The following LHFPL2 variants were observed in gnomAD, a reference collection of about 807,000 sequenced individuals.
The protein encoded by LHFPL2 is LHFPL tetraspan subfamily member 2 protein.
A neutral mutation model predicts 17.5 loss-of-function variants in LHFPL2; 7 were observed. That is an observed-to-expected ratio of 0.40 (90% CI 0.23 to 0.75). LHFPL2 has a LOEUF of 0.75. LHFPL2 is among the 30% of genes least tolerant of loss of function. The probability of loss-of-function intolerance (pLI) is 0.37; values close to 1 mark genes in which losing one functional copy is unlikely to be tolerated. For missense variants in LHFPL2, 241 were observed against 294.8 expected, an observed-to-expected ratio of 0.82 and a Z score of 1.34; for synonymous variants, 134 against 116.2, an observed-to-expected ratio of 1.15 and a Z score of -0.99.
chr5:78,633,125 A>G (rs950427131), intron 1 of LHFPL2, among the ~76,000 whole-genome samples: 13 of 152,208 alleles, frequency 8.5e-5, no homozygotes. Context: ...GCTTTCAGCA[A>G]CACCAGAGAG....
At chr5:78,643,226 T>A (rs184272582) in intron 1 of LHFPL2, among the ~76,000 whole-genome samples, 1 of 152,230 alleles carries the variant, frequency 6.6e-6, no homozygotes, top group Non-Finnish European at 1.5e-5. Flanking sequence ...ACTCCAAACT[T>A]ATGTGTTATC....
intron 3 of LHFPL2, among the ~76,000 whole-genome samples, chr5:78,542,523 A>G (rs1463586107): frequency 6.6e-6 from 1 of 152,136 alleles, no homozygotes; most frequent in African/African-American, 2.4e-5. Flanking sequence ...TGATCTGGGC[A>G]GTTCCAGCCA....
At chr5:78,630,714 C>T (rs1232120637) in intron 2 of LHFPL2, among the ~76,000 whole-genome samples, 1 of 152,186 alleles carries the variant, frequency 6.6e-6, no homozygotes, top group Non-Finnish European at 1.5e-5. Context: ...GGAAAGCACA[C>T]ACAGAAACCA....
chr5:78,591,071 C>A (rs1028357185), intron 2 of LHFPL2, among the ~76,000 whole-genome samples: 1 of 152,152 alleles, frequency 6.6e-6, no homozygotes, highest in South Asian at 2.1e-4. Flanking sequence ...AATGAATGCA[C>A]TAATTTGTGG....
intron 3 of LHFPL2, among the ~76,000 whole-genome samples, chr5:78,521,935 C>G (rs949929572): frequency 1.3e-5 from 2 of 152,172 alleles, no homozygotes; most frequent in Non-Finnish European, 2.9e-5. Context: ...ATGCTGTGTG[C>G]AGATACGACC....
At chr5:78,616,118 G>A (rs372178772) in intron 2 of LHFPL2, among the ~76,000 whole-genome samples, 2 of 70,200 alleles carry the variant, frequency 2.8e-5, no homozygotes, top group East Asian at 4.4e-4. Flanking sequence ...GGTTTTTGTT[G>A]TTGTTGTTGT....
At chr5:78,509,322 G>C (rs1755029460) in intron 4 of LHFPL2, among the ~76,000 whole-genome samples, 1 of 152,194 alleles carries the variant, frequency 6.6e-6, no homozygotes, top group African/African-American at 2.4e-5. Flanking sequence ...CTGGAGCTGA[G>C]AGTGGATGCG....
At chr5:78,492,115 G>C (rs546475556) in intron 4 of LHFPL2, among the ~76,000 whole-genome samples, 1 of 152,172 alleles carries the variant, frequency 6.6e-6, no homozygotes, top group Non-Finnish European at 1.5e-5. Flanking sequence ...GTCCTAAGGT[G>C]CCACTCTGGT....
At chr5:78,593,297 T>A (rs982206053) in intron 2 of LHFPL2, among the ~76,000 whole-genome samples, 5 of 152,042 alleles carry the variant, frequency 3.3e-5, no homozygotes, top group African/African-American at 1.2e-4. Flanking sequence ...AAGTAAGACA[T>A]CTAGGTTCCT....
At chr5:78,508,286 C>G (rs1412840270) in intron 4 of LHFPL2, among the ~76,000 whole-genome samples, 2 of 152,168 alleles carry the variant, frequency 1.3e-5, no homozygotes, top group Non-Finnish European at 2.9e-5. Context: ...TGCTGAAATA[C>G]AGAATCCTGG....
chr5:78,571,229 T>G (rs1368756952), intron 2 of LHFPL2, among the ~76,000 whole-genome samples: 1 of 152,194 alleles, frequency 6.6e-6, no homozygotes, highest in Admixed American at 6.5e-5. Flanking sequence ...TCTCCTTTTT[T>G]TGGCCTGTGT....
intron 3 of LHFPL2, among the ~76,000 whole-genome samples, chr5:78,550,040 T>C (rs1756395584): frequency 6.6e-6 from 1 of 152,242 alleles, no homozygotes; most frequent in South Asian, 2.1e-4. Flanking sequence ...AGAACAAATG[T>C]TACAATTCAC....
intron 2 of LHFPL2, among the ~76,000 whole-genome samples, chr5:78,567,579 G>C (rs1199792113): frequency 6.6e-6 from 1 of 152,044 alleles, no homozygotes; most frequent in Non-Finnish European, 1.5e-5. Context: ...AGTAATAAGA[G>C]ACTAATGTTT....
At chr5:78,608,465 A>G (rs1288656240) in intron 2 of LHFPL2, among the ~76,000 whole-genome samples, 1 of 152,166 alleles carries the variant, frequency 6.6e-6, no homozygotes, top group African/African-American at 2.4e-5. Flanking sequence ...GCAAAGACAT[A>G]ACTGCATTCT....
intron 3 of LHFPL2, among the ~76,000 whole-genome samples, chr5:78,533,096 T>C (rs79528537): frequency 0.025 from 3,812 of 152,292 alleles, 61 homozygotes; most frequent in Non-Finnish European, 0.04. Context: ...ACCCTCTGCC[T>C]CCTCAGGATG....
intron 1 of LHFPL2, among the ~76,000 whole-genome samples, chr5:78,636,437 A>G (rs1745452791): frequency 6.6e-6 from 1 of 152,122 alleles, no homozygotes; most frequent in South Asian, 2.1e-4. Flanking sequence ...TTCCTACTTC[A>G]TTGGTTTCAT....
chr5:78,554,962 AATC>A (rs1249368437), intron 3 of LHFPL2, among the ~76,000 whole-genome samples: 25 of 152,366 alleles, frequency 1.6e-4, no homozygotes, highest in Middle Eastern at 6.8e-3. Context: ...TTAGGAGACA[AATC>A]ATCATATTTT....
At chr5:78,499,797 A>C (rs921634622) in intron 4 of LHFPL2, among the ~76,000 whole-genome samples, 1 of 152,204 alleles carries the variant, frequency 6.6e-6, no homozygotes, top group East Asian at 1.9e-4. Flanking sequence ...CAAGATAAAG[A>C]AATTCCATCT....
intron 3 of LHFPL2, among the ~76,000 whole-genome samples, chr5:78,559,061 A>G (rs1052427203): frequency 2.0e-5 from 3 of 150,828 alleles, no homozygotes; most frequent in African/African-American, 7.3e-5. Flanking sequence ...TGCCCACCCT[A>G]CTCTCCCAAA....
Sources: gnomAD v4.1 joint callset for allele counts (sites outside exome capture counted in the v4.1 genomes callset) on GRCh38, gnomAD v4.1.1 for gene constraint, MANE v1.5 for transcripts, NCBI Gene and HGNC (gene_info 2026-07-23, HGNC 2026-07-21) for gene names.